Variants in PCDHA12 observed in about 807,000 individuals in gnomAD.
The protein encoded by PCDHA12 is protocadherin alpha-12.
Under a neutral mutation model 60.0 loss-of-function variants are expected in PCDHA12, and 44 were observed. That is an observed-to-expected ratio of 0.73 (90% confidence interval 0.58 to 0.94). PCDHA12 has a LOEUF of 0.94. PCDHA12 is among the 40% of genes least tolerant of loss of function. The probability of loss-of-function intolerance (pLI) is 0.00; values close to 1 mark genes in which losing one functional copy is unlikely to be tolerated. For synonymous variants in PCDHA12, 569 were observed against 553.0 expected (o/e 1.03, Z -0.40); for missense variants, 1,276 against 1,239.7 (o/e 1.03, Z -0.44).
rs782027925 is a variant in PCDHA12, at chr5:140,877,333, C to G, written c.1861C>G (p.Pro621Ala). The G allele has an allele frequency of 2.5e-6, 4 of 1,613,992 alleles. No individual in the cohort carries two copies. The South Asian group carries it at 3.3e-5, about 13-fold the overall frequency. Reference sequence around the variant, plus strand: ...ACCGGCGGCGGTCGGCGCGCACATCCCGTTCCACGTGGGGCTGTACACTGG... The same window carrying G: ...ACCGGCGGCGGTCGGCGCGCACATCGCGTTCCACGTGGGGCTGTACACTGG... ...LQPAAVGAHI[P>A]FHVGLYTGEI... Residue 621 changes from proline to alanine, a missense_variant, in exon 1 of 4, where the codon CCG becomes GCG. Transcript: ENST00000398631.
intron 1 of PCDHA12, among the ~76,000 whole-genome samples, chr5:140,891,471 C>T (rs1239816606): frequency 6.6e-6 from 1 of 151,474 alleles, no homozygotes; most frequent in Non-Finnish European, 1.5e-5. Flanking sequence ...GAATTAATGC[C>T]TTTACATCAC....
chr5:140,919,982 G>A (rs2079388824), intron 1 of PCDHA12, among the ~76,000 whole-genome samples: 2 of 151,998 alleles, frequency 1.3e-5, no homozygotes, highest in Admixed American at 6.5e-5. Context: ...GATAGAAGAT[G>A]GAAAACAGAC....
Position 140,973,415 on chromosome 5 carries a change from A to C in PCDHA12, c.2368-5534A>C, listed in dbSNP as rs552618579. On this transcript the variant is annotated intron_variant, in intron 1 of 3. Coordinates refer to ENST00000398631, the MANE Select transcript of PCDHA12 (RefSeq NM_018903.4). ...AATCATATCTATGAGCTTCCACTCC[A>C]GTTTTTCATCCTCTGATGGTCACTT... Among the ~76,000 whole-genome samples the C allele has an allele frequency of 1.8e-3, 272 of 152,344 alleles. 1 individual carries two copies. Among genetic ancestry groups the C allele is most frequent in the Non-Finnish European group, 3.1e-3 (212 of 68,028 alleles).
chr5:140,967,431 T>G, intron 1 of PCDHA12: 1 of 1,613,498 alleles, frequency 6.2e-7, no homozygotes, highest in Non-Finnish European at 8.5e-7. Flanking sequence ...CAGGCAGCCT[T>G]GCACCACCTG....
At chr5:140,993,462 TCACACACA>T (rs3836747) in intron 3 of PCDHA12, among the ~76,000 whole-genome samples, 8,792 of 140,974 alleles carry the variant, frequency 0.062, 316 homozygotes, top group South Asian at 0.11. Flanking sequence ...TCTTTCTTTC[TCACACACA>T]CACACACACA....
chr5:140,884,521 G>C (rs569278761), intron 1 of PCDHA12: 1 of 1,614,196 alleles, frequency 6.2e-7, no homozygotes, highest in African/African-American at 1.3e-5. Context: ...GGTCGTACTC[G>C]CAGCAGAGGC....
At chr5:140,992,999 C>G (rs1254110475) in intron 3 of PCDHA12, among the ~76,000 whole-genome samples, 4 of 152,188 alleles carry the variant, frequency 2.6e-5, no homozygotes, top group African/African-American at 9.7e-5. Flanking sequence ...CATGAAAGAG[C>G]CTCCCCAGAG....
chr5:140,919,649 T>G (rs1252944920), intron 1 of PCDHA12, among the ~76,000 whole-genome samples: 1 of 152,202 alleles, frequency 6.6e-6, no homozygotes, highest in Non-Finnish European at 1.5e-5. Flanking sequence ...TTCTCTAGAG[T>G]TTACCATATA....
intron 1 of PCDHA12, chr5:140,967,890 C>G: frequency 6.2e-7 from 1 of 1,614,176 alleles, no homozygotes; most frequent in Non-Finnish European, 8.5e-7. Context: ...AGCCCAGTGC[C>G]TGAGAATGCT....
chr5:140,999,550 G>A (rs1250301883), intron 3 of PCDHA12, among the ~76,000 whole-genome samples: 2 of 152,120 alleles, frequency 1.3e-5, no homozygotes, highest in African/African-American at 4.8e-5. Context: ...CCAATGAAGA[G>A]GGGGTATTTT....
intron 1 of PCDHA12, chr5:140,882,953 C>T: frequency 3.7e-6 from 6 of 1,614,184 alleles, no homozygotes; most frequent in East Asian, 2.2e-5. Flanking sequence ...AGTTCAGCTG[C>T]TCATCACGAT....
At chr5:140,932,899 CAAT>C (rs1317207926) in intron 1 of PCDHA12, among the ~76,000 whole-genome samples, 2 of 151,832 alleles carry the variant, frequency 1.3e-5, no homozygotes, top group Non-Finnish European at 3.0e-5. Context: ...TAGAGGGAAA[CAAT>C]AATATTTCAA....
At chr5:140,912,648 A>G (rs1161381718) in intron 1 of PCDHA12, among the ~76,000 whole-genome samples, 1 of 152,164 alleles carries the variant, frequency 6.6e-6, no homozygotes, top group African/African-American at 2.4e-5. Flanking sequence ...TATGTTGAAT[A>G]GAAGTGGTGA....
chr5:140,960,053 G>A (rs2095524432), intron 1 of PCDHA12, among the ~76,000 whole-genome samples: 3 of 152,156 alleles, frequency 2.0e-5, no homozygotes, highest in Non-Finnish European at 4.4e-5. Flanking sequence ...TTAAAAACAT[G>A]TACAGAAGAT....
chr5:140,984,258 CA>C (rs1563514144), intron 3 of PCDHA12, among the ~76,000 whole-genome samples: 1 of 152,262 alleles, frequency 6.6e-6, no homozygotes, highest in East Asian at 1.9e-4. Context: ...TGGTAAGCCA[CA>C]AACTAACTTT....
intron 1 of PCDHA12, chr5:140,930,410 CAG>C (rs2086812971): frequency 6.7e-6 from 1 of 149,986 alleles, no homozygotes; most frequent in South Asian, 2.1e-4. Flanking sequence ...TTTTTTGAGA[CAG>C]GGGTCTCACT....
At chr5:140,931,675 A>G (rs2087672558) in intron 1 of PCDHA12, among the ~76,000 whole-genome samples, 1 of 151,968 alleles carries the variant, frequency 6.6e-6, no homozygotes, top group Admixed American at 6.5e-5. Context: ...TTCCTTATAA[A>G]TAAATGAATT....
At chr5:140,979,035 G>A in intron 2 of PCDHA12, 28 bp downstream of exon 2, 1 of 1,612,986 alleles carries the variant, frequency 6.2e-7, no homozygotes, top group Non-Finnish European at 8.5e-7. Flanking sequence ...CATTCACTCA[G>A]AAGTAACCTT....
intron 1 of PCDHA12, among the ~76,000 whole-genome samples, chr5:140,954,580 T>C (rs1193569920): frequency 1.3e-5 from 2 of 152,174 alleles, no homozygotes; most frequent in African/African-American, 4.8e-5. Flanking sequence ...TTTTCAGAAG[T>C]GTCTGTTCAT....
Sources: allele counts gnomAD v4.1 joint callset (sites outside exome capture counted in the v4.1 genomes callset), GRCh38; gene constraint gnomAD v4.1.1; transcripts MANE v1.5; gene names NCBI Gene and HGNC (gene_info 2026-07-23, HGNC 2026-07-21).